STAB2: variants seen among roughly 807,000 people sequenced by gnomAD.
STAB2 encodes the protein stabilin 2.
A neutral mutation model predicts 338.1 loss-of-function variants in STAB2; 288 were observed. That is an observed-to-expected ratio of 0.85 (90% CI 0.77 to 0.94). The LOEUF is 0.94. Among genes scored for constraint, STAB2 ranks in the 40% least tolerant of loss-of-function variants. The pLI, the probability that STAB2 is intolerant of heterozygous loss-of-function variation, is 0.00. For missense variants in STAB2, 3,141 were observed against 3,210.1 expected, an observed-to-expected ratio of 0.98 and a Z score of 0.52; for synonymous variants, 1,202 against 1,193.3, an observed-to-expected ratio of 1.01 and a Z score of -0.15.
chr12:103,626,445 C>A (rs1957382776), intron 5 of STAB2, among the ~76,000 whole-genome samples: 1 of 152,182 alleles, frequency 6.6e-6, no homozygotes, highest in East Asian at 1.9e-4. Flanking sequence ...ATTCCCTAAA[C>A]CTTTCTCATC....
At chr12:103,734,574 A>G (rs1030916243) in intron 51 of STAB2, among the ~76,000 whole-genome samples, 2 of 152,236 alleles carry the variant, frequency 1.3e-5, no homozygotes, top group African/African-American at 4.8e-5. Context: ...CATGGCAGCC[A>G]TCCTGAGTCC....
At chr12:103,715,978 G>C (rs149481529) in intron 43 of STAB2, 90 bp downstream of exon 43, 1 of 1,369,994 alleles carries the variant, frequency 7.3e-7, no homozygotes, top group Non-Finnish European at 1.0e-6. Context: ...GGCTGAGAAC[G>C]GACCTCTAAA....
At chr12:103,737,115 T>C (rs1003273092) in intron 52 of STAB2, among the ~76,000 whole-genome samples, 3 of 152,206 alleles carry the variant, frequency 2.0e-5, no homozygotes, top group Admixed American at 6.5e-5. Flanking sequence ...GGAGACTCAG[T>C]TACTACACAC....
intron 3 of STAB2, among the ~76,000 whole-genome samples, chr12:103,615,840 G>A (rs184539671): frequency 1.3e-5 from 2 of 152,160 alleles, no homozygotes; most frequent in African/African-American, 2.4e-5. Context: ...ATCAGATCTC[G>A]TGAGACTCAT....
chr12:103,741,378 G>A lies in STAB2; in HGVS notation c.5881+622G>A, dbSNP rs957056365. ...GCACATTTATTGAGTTTTATTGAGT[G>A]CTTTTTCCCATACATATCAAAACAT... is the stretch of plus-strand genomic sequence containing the variant. On this transcript the variant is annotated intron_variant, in intron 55 of 68. Transcript: ENST00000388887. Among the ~76,000 whole-genome samples, 10 of 152,284 alleles carry A rather than the reference G, an allele frequency of 6.6e-5. 2 individuals carry two copies. The highest frequency in any genetic ancestry group is 3.9e-4 in the Admixed American group (6 of 15,302).
intron 5 of STAB2, 134 bp from the exon 6 acceptor site, chr12:103,631,464 G>A: frequency 1.3e-6 from 1 of 747,376 alleles, no homozygotes. Context: ...ACCTGGTGCT[G>A]ATAAAAGAGA....
At chr12:103,613,687 C>T (rs988408354) in intron 3 of STAB2, among the ~76,000 whole-genome samples, 7 of 152,150 alleles carry the variant, frequency 4.6e-5, no homozygotes, top group Non-Finnish European at 1.0e-4. Flanking sequence ...GCACTGCACC[C>T]ACTGTCCTGC....
intron 12 of STAB2, 88 bp from the exon 13 acceptor site, chr12:103,654,467 A>G (rs1295434106): frequency 7.3e-6 from 10 of 1,371,848 alleles, no homozygotes; most frequent in Non-Finnish European, 9.8e-6. Context: ...ATCAAAGCCC[A>G]AGGACTCAAG....
intron 47 of STAB2, 140 bp from the exon 48 acceptor site, chr12:103,728,709 T>C (rs1881404398): frequency 9.3e-7 from 1 of 1,071,520 alleles, no homozygotes; most frequent in African/African-American, 1.6e-5. Context: ...CACTCTATAA[T>C]CCTGACCACA....
In STAB2 at chr12:103,763,494, G is replaced by A. The variant is rs780363569; in HGVS notation, c.7491G>A (p.Ser2497=). ...RRTIGFQHFE[S]EEDINVAALG... ...TTCATGCTTGTCTTTCCAAACAGTC[G>A]GAAGAGGACATTAATGTTGCAGCTC... Residue 2497 remains serine (S), a splice_region_variant and synonymous_variant, in exon 68 of 69, where the codon TCG becomes TCA. Coordinates refer to ENST00000388887, the MANE Select transcript of STAB2 (RefSeq NM_017564.10). 1.9e-5 allele frequency: 30 copies of A among 1,613,710 alleles called. No individual in the cohort carries two copies. Among genetic ancestry groups the A allele is most frequent in the Admixed American group, 1.3e-4 (8 of 59,978 alleles).
Position 103,671,025 on chromosome 12 carries a change from A to G in STAB2, c.2371+218A>G, listed in dbSNP as rs4981025. 0.3 allele frequency among the ~76,000 whole-genome samples: 45,945 copies of G among 152,078 alleles called. 7,357 individuals carry two copies. Among genetic ancestry groups the G allele is most frequent in the South Asian group, 0.44 (2,112 of 4,808 alleles). On this transcript the variant is annotated intron_variant, in intron 22 of 68. Transcript: ENST00000388887. ...AGAGTTTCTGATTCACTAGGCCCCA[A>G]TGGGTCTTCAGAATTTGCATTTCTA... is the stretch of plus-strand genomic sequence containing the variant.
chr12:103,636,125 C>G (rs1291198561), intron 6 of STAB2, among the ~76,000 whole-genome samples: 1 of 151,718 alleles, frequency 6.6e-6, no homozygotes, highest in Non-Finnish European at 1.5e-5. Context: ...TATACATGTG[C>G]CATGTTGGTG....
chr12:103,589,046 C>A (rs987590284), intron 1 of STAB2, among the ~76,000 whole-genome samples: 2 of 152,170 alleles, frequency 1.3e-5, no homozygotes, highest in East Asian at 1.9e-4. Context: ...ACTGCAACAC[C>A]CCTCACCTCA....
At chr12:103,753,424 T>TG in intron 61 of STAB2, 71 bp downstream of exon 61, 5 of 1,605,466 alleles carry the variant, frequency 3.1e-6, no homozygotes, top group Non-Finnish European at 1.7e-6. Context: ...TTTCTTAAGA[T>TG]GGGGAAGACT....
Position 103,733,014 on chromosome 12 carries a change from T to C in STAB2, c.5292T>C (p.Gly1764=). 6.2e-7 allele frequency: 1 copy of C among 1,613,530 alleles called. No individual in the cohort carries two copies. Among genetic ancestry groups the C allele is most frequent in the Non-Finnish European group, 8.5e-7 (1 of 1,179,782 alleles). ...GAATCCCTGTGTTTCAGGACTCAGGTTTGCTGAGTGTCATCACCGATCCCA... is the reference window on the plus strand; with the variant it reads ...GAATCCCTGTGTTTCAGGACTCAGGCTTGCTGAGTGTCATCACCGATCCCA... The part of the protein sequence containing the change: ...IKFSNLIQDS[G]LLSVITDPIH... Residue 1764 remains glycine (G), a synonymous_variant, in exon 51 of 69, where the codon GGT becomes GGC. Coordinates refer to ENST00000388887, the MANE Select transcript of STAB2 (RefSeq NM_017564.10).
At chr12:103,736,463 A>G (rs1454379806) in intron 52 of STAB2, among the ~76,000 whole-genome samples, 1 of 152,210 alleles carries the variant, frequency 6.6e-6, no homozygotes, top group Non-Finnish European at 1.5e-5. Context: ...GACTTTGAAG[A>G]GTATTCACAT....
intron 56 of STAB2, among the ~76,000 whole-genome samples, chr12:103,743,018 T>C (rs1342098350): frequency 1.1e-5 from 1 of 91,058 alleles, no homozygotes; most frequent in Non-Finnish European, 2.2e-5. Flanking sequence ...CAGCAATTTT[T>C]TTTTCTTTTT....
At chr12:103,633,614 G>A (rs1213968728) in intron 6 of STAB2, among the ~76,000 whole-genome samples, 1 of 151,520 alleles carries the variant, frequency 6.6e-6, no homozygotes, top group East Asian at 1.9e-4. Context: ...CCCGGGAGGT[G>A]GAGGTTGTGG....
At chr12:103,667,606 A>G (rs934800154) in intron 19 of STAB2, among the ~76,000 whole-genome samples, 5 of 152,190 alleles carry the variant, frequency 3.3e-5, no homozygotes, top group Admixed American at 3.3e-4. Flanking sequence ...CAAATCACCC[A>G]TCCCGGGAAT....
Sources: gnomAD v4.1 joint callset for allele counts (sites outside exome capture counted in the v4.1 genomes callset) on GRCh38, gnomAD v4.1.1 for gene constraint, MANE v1.5 for transcripts, NCBI Gene and HGNC (gene_info 2026-07-23, HGNC 2026-07-21) for gene names.